Variants in HTR4 observed in about 807,000 individuals in gnomAD.
HTR4 encodes the protein 5-hydroxytryptamine receptor 4, also known as 5-hydroxytryptamine (serotonin) receptor 4, G protein-coupled.
Under a neutral mutation model 36.8 loss-of-function variants are expected in HTR4, and 16 were observed. That is an observed-to-expected ratio of 0.43 (90% CI 0.29 to 0.66). The LOEUF (loss-of-function observed/expected upper bound fraction) is 0.66, where lower values mean the gene tolerates loss of function less well. Ranked by LOEUF, HTR4 falls within the 30% of genes least tolerant of loss-of-function variation. The pLI is 0.13. For synonymous variants in HTR4, 189 were observed against 185.1 expected, an observed-to-expected ratio of 1.02 and a Z score of -0.17; for missense variants, 438 against 490.9, an observed-to-expected ratio of 0.89 and a Z score of 1.02.
chr5:148,539,892 A>C (rs960808918), intron 4 of HTR4, among the ~76,000 whole-genome samples: 4 of 152,192 alleles, frequency 2.6e-5, no homozygotes, highest in Non-Finnish European at 5.9e-5. Context: ...AGGAGTATAA[A>C]TCGTTCTACC....
In HTR4 at chr5:148,540,536, A is replaced by T. The variant is rs560516641; in HGVS notation, c.353+8132T>A. On this transcript the variant is annotated intron_variant, in intron 4 of 6. Coordinates refer to ENST00000377888, the MANE Select transcript of HTR4 (RefSeq NM_000870.7). ...GATTTGGCATCCAGCTGATCATGGGAGATAAGTAAAAGATGACTTCAAAAA... is the reference window on the plus strand; with the variant it reads ...GATTTGGCATCCAGCTGATCATGGGTGATAAGTAAAAGATGACTTCAAAAA... Among the ~76,000 whole-genome samples the T allele has an allele frequency of 1.1e-3, 164 of 149,966 alleles. 1 individual carries two copies. The highest frequency in any genetic ancestry group is 2.0e-3 in the Non-Finnish European group (135 of 67,534).
chr5:148,645,036 T>A (rs536034072), intron 1 of HTR4: 2 of 152,246 alleles, frequency 1.3e-5, no homozygotes, highest in Non-Finnish European at 2.9e-5. Context: ...TTCGCTTTCA[T>A]TTTTGTTTCT....
chr5:148,572,646 C>T (rs562295181), intron 2 of HTR4, among the ~76,000 whole-genome samples: 5 of 152,202 alleles, frequency 3.3e-5, no homozygotes, highest in African/African-American at 9.6e-5. Context: ...TCCATGAGTT[C>T]GTCATTACCA....
At chr5:148,650,259 A>G (rs149906679) in intron 1 of HTR4, among the ~76,000 whole-genome samples, 2 of 152,222 alleles carry the variant, frequency 1.3e-5, no homozygotes, top group Non-Finnish European at 2.9e-5. Context: ...CCAGTGCTCT[A>G]TCATTTATTC....
intron 4 of HTR4, among the ~76,000 whole-genome samples, chr5:148,539,868 C>T (rs909448616): frequency 1.4e-4 from 21 of 152,210 alleles, no homozygotes; most frequent in African/African-American, 4.3e-4. Flanking sequence ...TCCCATTACT[C>T]GGTATATACT....
intron 2 of HTR4, among the ~76,000 whole-genome samples, chr5:148,619,924 C>T (rs907471638): frequency 1.3e-5 from 2 of 151,914 alleles, no homozygotes; most frequent in Admixed American, 6.6e-5. Flanking sequence ...AAAAAGGATA[C>T]CAAAATAAAT....
intron 6 of HTR4, among the ~76,000 whole-genome samples, chr5:148,495,705 G>C (rs186851968): frequency 2.4e-4 from 36 of 152,334 alleles, no homozygotes; most frequent in African/African-American, 8.7e-4. Flanking sequence ...TGTCTTCCAA[G>C]TGGGGAGAGA....
At chr5:148,554,795 C>T (rs1464289566) in intron 2 of HTR4, among the ~76,000 whole-genome samples, 2 of 152,124 alleles carry the variant, frequency 1.3e-5, no homozygotes, top group Non-Finnish European at 2.9e-5. Flanking sequence ...CCTCACCCTC[C>T]TCCCACCTTC....
chr5:148,530,126 A>G (rs890406364), intron 4 of HTR4, among the ~76,000 whole-genome samples: 1 of 152,186 alleles, frequency 6.6e-6, no homozygotes, highest in Non-Finnish European at 1.5e-5. Context: ...AAGTTTGGAA[A>G]ATTTGCAGCC....
intron 2 of HTR4, among the ~76,000 whole-genome samples, chr5:148,632,451 C>T (rs955579453): frequency 5.9e-5 from 9 of 152,066 alleles, no homozygotes; most frequent in Non-Finnish European, 1.3e-4. Context: ...GAAGAAGCCC[C>T]AGGGACTGCA....
intron 6 of HTR4, among the ~76,000 whole-genome samples, chr5:148,488,893 A>G (rs1756284560): frequency 6.6e-6 from 1 of 152,212 alleles, no homozygotes; most frequent in Non-Finnish European, 1.5e-5. Flanking sequence ...TGCGAGATCA[A>G]ATCAGGTGTG....
chr5:148,626,473 A>G (rs937494624), intron 2 of HTR4, among the ~76,000 whole-genome samples: 12 of 152,220 alleles, frequency 7.9e-5, no homozygotes, highest in African/African-American at 2.9e-4. Context: ...ATTTACTATG[A>G]AAAATATTAG....
intron 2 of HTR4, among the ~76,000 whole-genome samples, chr5:148,582,347 G>GT (rs1215063294): frequency 6.6e-6 from 1 of 151,826 alleles, no homozygotes; most frequent in Non-Finnish European, 1.5e-5. Flanking sequence ...GGTTTGTTAC[G>GT]TGGGTATATT....
chr5:148,585,738 G>T (rs1028340100), intron 2 of HTR4, among the ~76,000 whole-genome samples: 2 of 152,126 alleles, frequency 1.3e-5, no homozygotes, highest in Non-Finnish European at 2.9e-5. Flanking sequence ...TCTATATCCT[G>T]AAATTCCTGA....
At chr5:148,458,560 G>C (rs1471831233) in intron 5 of HTR4, among the ~76,000 whole-genome samples, 2 of 152,070 alleles carry the variant, frequency 1.3e-5, no homozygotes, top group Non-Finnish European at 2.9e-5. Context: ...ATGAGATCTC[G>C]GTTAGTGTGT....
chr5:148,568,348 G>T (rs975329856), intron 2 of HTR4, among the ~76,000 whole-genome samples: 7 of 152,056 alleles, frequency 4.6e-5, no homozygotes, highest in African/African-American at 7.2e-5. Flanking sequence ...TCCCTTTAGA[G>T]AATTTTTTTA....
chr5:148,563,517 GTATTTTCCAGCACCTTTTTGGTAC>G (rs763778862), intron 2 of HTR4, among the ~76,000 whole-genome samples: 4 of 152,192 alleles, frequency 2.6e-5, no homozygotes, highest in Non-Finnish European at 5.9e-5. Flanking sequence ...ATTCACTGAA[GTATTTTCCAGCACCTTTTTGGTAC>G]TGTTTTACAG....
intron 2 of HTR4, among the ~76,000 whole-genome samples, chr5:148,609,750 T>G (rs1473145121): frequency 6.6e-6 from 1 of 151,968 alleles, no homozygotes; most frequent in Non-Finnish European, 1.5e-5. Context: ...CATTTTTTAG[T>G]AGAGACGGGG....
At chr5:148,545,211 TAAAAC>T (rs987273717) in intron 4 of HTR4, among the ~76,000 whole-genome samples, 3 of 152,018 alleles carry the variant, frequency 2.0e-5, no homozygotes, top group Non-Finnish European at 4.4e-5. Flanking sequence ...CCAAGGAAAA[TAAAAC>T]AAAAGAAACC....
Sources: gnomAD v4.1 joint callset for allele counts (sites outside exome capture counted in the v4.1 genomes callset) on GRCh38, gnomAD v4.1.1 for gene constraint, MANE v1.5 for transcripts, NCBI Gene and HGNC (gene_info 2026-07-23, HGNC 2026-07-21) for gene names.